Variants in GUCY1A2 observed in about 807,000 individuals in gnomAD.
The protein encoded by GUCY1A2 is guanylate cyclase soluble subunit alpha-2.
In GUCY1A2, 27 loss-of-function variants were observed where a neutral mutation model predicts 63.5. The ratio of observed to expected loss-of-function variants is 0.43; its 90% CI spans 0.31 to 0.59. GUCY1A2 has a LOEUF of 0.59. GUCY1A2 is among the 20% of genes least tolerant of loss of function. The pLI is 0.11. For missense variants in GUCY1A2, 768 were observed against 913.3 expected (o/e 0.84, Z 2.05); for synonymous variants, 364 against 343.5 (o/e 1.06, Z -0.66).
chr11:106,895,589 C>A (rs1229987934), intron 4 of GUCY1A2, among the ~76,000 whole-genome samples: 2 of 152,168 alleles, frequency 1.3e-5, no homozygotes, highest in East Asian at 3.9e-4. Context: ...CCATGTAAGA[C>A]ATACCTTTGT....
intron 7 of GUCY1A2, 83 bp from the exon 8 acceptor site, chr11:106,687,839 G>T: frequency 1.1e-6 from 1 of 894,994 alleles, no homozygotes; most frequent in Non-Finnish European, 1.9e-6. Flanking sequence ...GGCTCAGGAA[G>T]CCTATCTCTG....
chr11:106,939,390 C>T (rs760397851), intron 4 of GUCY1A2, 70 bp downstream of exon 4: 24 of 781,270 alleles, frequency 3.1e-5, no homozygotes, highest in Middle Eastern at 2.4e-4. Context: ...AGTACAGCCA[C>T]CATGTAATTT....
At position 106,678,482 on chromosome 11, in the gene GUCY1A2, A is replaced by C. The variant is rs936544863; in HGVS notation, c.*9067T>G. The stretch of plus-strand genomic sequence containing the variant: ...TTGATCCAGATTGCCCAAACCTCAG[A>C]AGAAAGTCATATTTTGCTAGCTTTT... On this transcript the variant is annotated 3_prime_UTR_variant, in exon 8 of 8. Coordinates refer to ENST00000526355, the MANE Select transcript of GUCY1A2 (RefSeq NM_000855.3). 1 of 214,006 alleles carries C rather than the reference A, an allele frequency of 4.7e-6. No individual in the cohort carries two copies. Among genetic ancestry groups the C allele is most frequent in the Non-Finnish European group, 9.4e-6 (1 of 105,872 alleles). 13.3% of individuals were successfully genotyped at this position (214,006 alleles called of 1,614,324 possible). A position where few individuals can be genotyped will look rare whatever the true frequency, so the allele number is the denominator to read the frequency against.
chr11:106,939,804 A>G lies in GUCY1A2; in HGVS notation c.862T>C (p.Cys288Arg), dbSNP rs1298921349. The change falls in exon 4 of 8, where the codon TGT (cysteine) becomes CGT (arginine). Residue 288 changes from cysteine to arginine, a missense_variant. By Grantham distance (180) the Cys-to-Arg change is radical. Around this residue, in one of 3 missense-constraint regions of GUCY1A2, gnomAD observed 496 missense variants for 486.9 expected, o/e 1.02. Coordinates refer to ENST00000526355, the MANE Select transcript of GUCY1A2 (RefSeq NM_000855.3). The stretch of plus-strand genomic sequence containing the variant: ...CATTCTTTGATAAGGAAAGTAAGAC[A>G]GCTACAATTGCCTGGGTTTGAAACA... ...SDVSNPGNCS[C>R]LTFLIKECEN... is the part of the protein sequence containing the mutation. 10 of 1,613,624 alleles carry G rather than the reference A, an allele frequency of 6.2e-6. No homozygotes were observed. Among genetic ancestry groups the G allele is most frequent in the Non-Finnish European group, 7.6e-6 (9 of 1,179,636 alleles).
chr11:106,827,461 G>C (rs1038232182), intron 4 of GUCY1A2: 1 of 1,436,810 alleles, frequency 7.0e-7, no homozygotes, highest in Non-Finnish European at 9.8e-7. Context: ...TTTAGCTTTA[G>C]TAAGCTGTTT....
intron 4 of GUCY1A2, among the ~76,000 whole-genome samples, chr11:106,914,065 AAG>A (rs1860335241): frequency 6.6e-6 from 1 of 151,698 alleles, no homozygotes; most frequent in Non-Finnish European, 1.5e-5. Flanking sequence ...GGAAGGAGAA[AAG>A]AGAGAGAGGG....
rs778378287 is a variant in GUCY1A2 at position 106,939,955 on chromosome 11, G to C, written c.711C>G (p.Leu237=). The C allele has an allele frequency of 8.7e-6, 14 of 1,613,710 alleles. No homozygotes were observed. The highest frequency in any genetic ancestry group is 1.1e-5 in the Non-Finnish European group (13 of 1,179,774). ...CAATATGGTGAGGGTGGAAGTAGTG[G>C]AGCATGAGAGTACCTTCAGGGAGCT... ...CKELPEGTLM[L]HYFHPHHIVG... is the part of the protein sequence containing the mutation. Residue 237 remains leucine (L), a synonymous_variant, in exon 4 of 8, where the codon CTC becomes CTG. Transcript: ENST00000526355.
intron 4 of GUCY1A2, among the ~76,000 whole-genome samples, chr11:106,814,044 T>C (rs1057395180): frequency 6.6e-6 from 1 of 152,078 alleles, no homozygotes; most frequent in Admixed American, 6.6e-5. Flanking sequence ...TTAACCACTG[T>C]AGAAGCCTGA....
At chr11:106,969,431 C>T (rs1432157225) in intron 3 of GUCY1A2, among the ~76,000 whole-genome samples, 2 of 152,056 alleles carry the variant, frequency 1.3e-5, no homozygotes, top group African/African-American at 4.8e-5. Context: ...AGAGATAACA[C>T]AATGGACAAA....
At chr11:106,707,512 C>A (rs1198353831) in intron 7 of GUCY1A2, among the ~76,000 whole-genome samples, 1 of 151,936 alleles carries the variant, frequency 6.6e-6, no homozygotes, top group African/African-American at 2.4e-5. Context: ...CAGTAATGCC[C>A]AGAATAAAGC....
In GUCY1A2 at chr11:106,677,756, G is replaced by A. The variant is rs1862369453; in HGVS notation, c.*9793C>T. 1 of 210,402 alleles carries A rather than the reference G, an allele frequency of 4.8e-6. No homozygotes were observed. The highest frequency in any genetic ancestry group is 9.7e-6 in the Non-Finnish European group (1 of 103,614). The allele number at this position is 210,402 out of a possible 1,614,324, so 13.0% of individuals were successfully genotyped here. On this transcript the variant is annotated 3_prime_UTR_variant, in exon 8 of 8. Coordinates refer to ENST00000526355, the MANE Select transcript of GUCY1A2 (RefSeq NM_000855.3). ...GACAACAGACCTAATTTTGATGTAA[G>A]CAAAGTCTGATTTTTGTGTCTCTTT...
intron 4 of GUCY1A2, chr11:106,824,887 C>T: frequency 6.2e-7 from 1 of 1,612,526 alleles, no homozygotes; most frequent in Non-Finnish European, 8.5e-7. Context: ...CAGAAGAAGG[C>T]TGCAAACATG....
intron 6 of GUCY1A2, among the ~76,000 whole-genome samples, chr11:106,761,055 ACTT>A (rs890057536): frequency 1.3e-5 from 2 of 152,198 alleles, no homozygotes; most frequent in Non-Finnish European, 2.9e-5. Context: ...TCCAAATTAT[ACTT>A]CTTCTATCAT....
chr11:106,946,309 A>T (rs1006940303), intron 3 of GUCY1A2, among the ~76,000 whole-genome samples: 1 of 152,184 alleles, frequency 6.6e-6, no homozygotes, highest in Non-Finnish European at 1.5e-5. Context: ...TCCAAATACA[A>T]GGTCAAATAT....
At chr11:106,919,380 C>T (rs755609176) in intron 4 of GUCY1A2, among the ~76,000 whole-genome samples, 24 of 151,704 alleles carry the variant, frequency 1.6e-4, no homozygotes, top group Non-Finnish European at 1.2e-4. Context: ...TAGATGTTAC[C>T]ATAATAACAA....
At chr11:106,931,434 G>A (rs905554779) in intron 4 of GUCY1A2, among the ~76,000 whole-genome samples, 5 of 152,186 alleles carry the variant, frequency 3.3e-5, no homozygotes, top group South Asian at 2.1e-4. Flanking sequence ...TTGAAAAACA[G>A]TTCAGCAACT....
Position 106,687,352 on chromosome 11 carries a change from T to C in GUCY1A2, c.*197A>G. ...CACTCATATGAATGGACACATCTTA[T>C]TTCCCTCATCCTCCGGCTTTTTATT... On this transcript the variant is annotated 3_prime_UTR_variant, in exon 8 of 8. Transcript: ENST00000526355. The C allele has an allele frequency of 1.7e-6, 1 of 584,866 alleles. No homozygotes were observed. The highest frequency in any genetic ancestry group is 2.1e-5 in the South Asian group (1 of 47,994). The allele number at this position is 584,866 out of a possible 1,614,324, so 36.2% of individuals were successfully genotyped here.
chr11:106,835,896 T>G (rs1301236089), intron 4 of GUCY1A2, among the ~76,000 whole-genome samples: 1 of 151,772 alleles, frequency 6.6e-6, no homozygotes, highest in Non-Finnish European at 1.5e-5. Flanking sequence ...GAACCCAGAA[T>G]AACCTAAGAT....
intron 7 of GUCY1A2, among the ~76,000 whole-genome samples, chr11:106,702,255 C>T (rs1354593619): frequency 6.6e-6 from 1 of 152,170 alleles, no homozygotes; most frequent in African/African-American, 2.4e-5. Context: ...GAGAGCTCAT[C>T]TAGGACATCA....
Sources: allele counts gnomAD v4.1 joint callset (sites outside exome capture counted in the v4.1 genomes callset), GRCh38; gene constraint gnomAD v4.1.1; regional missense constraint gnomAD v4.1.1; transcripts MANE v1.5; gene names NCBI Gene and HGNC (gene_info 2026-07-23, HGNC 2026-07-21).